Variants in RGS7BP observed in about 807,000 individuals in gnomAD.
RGS7BP encodes the protein regulator of G protein signaling 7 binding protein.
In RGS7BP, 9 loss-of-function variants were observed where a neutral mutation model predicts 31.3. That is an observed-to-expected ratio of 0.29 (90% CI 0.17 to 0.50). The LOEUF is 0.50. RGS7BP is among the 20% of genes least tolerant of loss of function. RGS7BP has a pLI of 0.98. For missense variants in RGS7BP, 274 were observed against 322.0 expected (o/e 0.85, Z 1.14); for synonymous variants, 115 against 120.1 (o/e 0.96, Z 0.28).
chr5:64,600,859 G>A (rs539043128), intron 5 of RGS7BP, among the ~76,000 whole-genome samples: 8 of 152,306 alleles, frequency 5.3e-5, no homozygotes, highest in African/African-American at 1.7e-4. Context: ...GTCTGAACTG[G>A]AGGATCCAGA....
intron 2 of RGS7BP, among the ~76,000 whole-genome samples, chr5:64,549,115 T>C (rs1741728804): frequency 6.6e-6 from 1 of 152,128 alleles, no homozygotes. Context: ...AAATAACACC[T>C]AAATCAGATA....
Position 64,506,350 on chromosome 5 carries a change from C to A in RGS7BP, c.-275C>A. The A allele has an allele frequency of 3.0e-6, 1 of 332,004 alleles. No homozygotes were observed. Among genetic ancestry groups the A allele is most frequent in the Non-Finnish European group, 5.4e-6 (1 of 183,792 alleles). The allele number at this position is 332,004 out of a possible 1,614,324, so 20.6% of individuals were successfully genotyped here. ...GGCAGTGCGAGCCCGCGCCAGCGCCCAGCTCCCGGGACAGGGTCGGCAATG... is the reference window on the plus strand; with the variant it reads ...GGCAGTGCGAGCCCGCGCCAGCGCCAAGCTCCCGGGACAGGGTCGGCAATG... On this transcript the variant is annotated 5_prime_UTR_variant, in exon 1 of 6. Coordinates refer to ENST00000334025, the MANE Select transcript of RGS7BP (RefSeq NM_001029875.3). The surrounding 1 kb of genome is among the most constrained non-coding windows in gnomAD (Gnocchi z 4.6).
rs1316270806 is a variant in RGS7BP, at chr5:64,611,383, C to T, written c.*2131C>T. ...TAAGCCCAATCTTGTTCAGCACGTT[C>T]TTCTAAATGCCTGACCTAAATAACT... On this transcript the variant is annotated 3_prime_UTR_variant, in exon 6 of 6. Coordinates refer to ENST00000334025, the MANE Select transcript of RGS7BP (RefSeq NM_001029875.3). The T allele has an allele frequency of 6.6e-6, 1 of 152,252 alleles. No homozygotes were observed. The highest frequency in any genetic ancestry group is 1.5e-5 in the Non-Finnish European group (1 of 67,870). 9.4% of individuals were successfully genotyped at this position (152,252 alleles called of 1,614,324 possible).
At chr5:64,576,390 G>T (rs1416044135) in intron 3 of RGS7BP, among the ~76,000 whole-genome samples, 1 of 152,160 alleles carries the variant, frequency 6.6e-6, no homozygotes, top group Non-Finnish European at 1.5e-5. Flanking sequence ...TGGCTCAAAG[G>T]ATTGTACCCT....
intron 2 of RGS7BP, among the ~76,000 whole-genome samples, chr5:64,527,398 A>T (rs1355534912): frequency 6.6e-6 from 1 of 152,112 alleles, no homozygotes; most frequent in East Asian, 1.9e-4. Flanking sequence ...GTGATTTGAG[A>T]ATCTGCAGTA....
intron 3 of RGS7BP, among the ~76,000 whole-genome samples, chr5:64,591,615 C>T (rs1463559199): frequency 6.6e-6 from 1 of 152,064 alleles, no homozygotes; most frequent in Non-Finnish European, 1.5e-5. Context: ...TACTTTATCT[C>T]AGTATTCTGC....
chr5:64,529,434 G>A (rs1487959280), intron 2 of RGS7BP, among the ~76,000 whole-genome samples: 1 of 152,194 alleles, frequency 6.6e-6, no homozygotes, highest in Admixed American at 6.5e-5. Context: ...ACAGGAATGG[G>A]AGAAAAGAAA....
At chr5:64,590,178 G>C (rs1360007487) in intron 3 of RGS7BP, among the ~76,000 whole-genome samples, 1 of 151,942 alleles carries the variant, frequency 6.6e-6, no homozygotes, top group African/African-American at 2.4e-5. Context: ...GAAAAACTTA[G>C]TTTGAACATG....
chr5:64,606,112 T>C (rs1321717395), intron 5 of RGS7BP, among the ~76,000 whole-genome samples: 3 of 150,188 alleles, frequency 2.0e-5, no homozygotes, highest in African/African-American at 7.3e-5. Context: ...TATTGAAAGG[T>C]TTTTAGGTTT....
At chr5:64,554,730 C>T (rs1741881368) in intron 2 of RGS7BP, among the ~76,000 whole-genome samples, 1 of 152,058 alleles carries the variant, frequency 6.6e-6, no homozygotes, top group African/African-American at 2.4e-5. Context: ...GGATTTAATC[C>T]TTCAAGTGCT....
chr5:64,599,920 A>G (rs1743175768), intron 5 of RGS7BP, among the ~76,000 whole-genome samples: 2 of 152,218 alleles, frequency 1.3e-5, no homozygotes, highest in South Asian at 4.1e-4. Context: ...AATGTGTCAT[A>G]CACCTACTAC....
chr5:64,516,268 C>T (rs1748972322), intron 2 of RGS7BP, among the ~76,000 whole-genome samples: 2 of 152,178 alleles, frequency 1.3e-5, no homozygotes, highest in Admixed American at 6.5e-5. Context: ...CCAAAGCCCT[C>T]GTATTCTTCA....
At position 64,604,337 on chromosome 5, in the gene RGS7BP, C is replaced by G. The variant is rs551346017; in HGVS notation, c.683-4824C>G. ...CTCCAAATGGGAGGAATCTCCCCCC[C>G]TTCTCCTGCCTGGCATTCTCATAGC... On this transcript the variant is annotated intron_variant, in intron 5 of 5. Coordinates refer to ENST00000334025, the MANE Select transcript of RGS7BP (RefSeq NM_001029875.3). Among the ~76,000 whole-genome samples, 126 of 152,230 alleles carry G rather than the reference C, an allele frequency of 8.3e-4. 1 individual carries two copies. The highest frequency in any genetic ancestry group is 2.1e-3 in the African/African-American group (86 of 41,550).
At chr5:64,556,054 T>C (rs1353712332) in intron 2 of RGS7BP, among the ~76,000 whole-genome samples, 2 of 152,064 alleles carry the variant, frequency 1.3e-5, no homozygotes, top group African/African-American at 2.4e-5. Flanking sequence ...TGTTGATATG[T>C]ACAGCTTCCA....
At position 64,507,591 on chromosome 5, in the gene RGS7BP, G is replaced by A. The variant is rs960802230; in HGVS notation, c.166-120G>A. 40 of 825,418 alleles carry A rather than the reference G, an allele frequency of 4.8e-5. No individual in the cohort carries two copies. The African/African-American group carries it at 5.8e-4, about 12-fold the overall frequency. The allele number at this position is 825,418 out of a possible 1,614,324, so 51.1% of individuals were successfully genotyped here. A position where few individuals can be genotyped will look rare whatever the true frequency, so the allele number is the denominator to read the frequency against. Reference sequence around the variant, plus strand: ...CTTTAAACAATTCCTAGGTTCCTTAGCTGGAGATCTGGGGAGCTGACTCAG... The same window carrying A: ...CTTTAAACAATTCCTAGGTTCCTTAACTGGAGATCTGGGGAGCTGACTCAG... On this transcript the variant is annotated intron_variant, in intron 1 of 5. Coordinates refer to ENST00000334025, the MANE Select transcript of RGS7BP (RefSeq NM_001029875.3).
intron 3 of RGS7BP, among the ~76,000 whole-genome samples, chr5:64,588,403 C>T (rs986037779): frequency 2.0e-5 from 3 of 152,112 alleles, no homozygotes; most frequent in South Asian, 2.1e-4. Context: ...AAATGTTTCC[C>T]TCTTCAGCAA....
intron 3 of RGS7BP, among the ~76,000 whole-genome samples, chr5:64,587,135 G>T (rs1048922389): frequency 1.3e-5 from 2 of 152,092 alleles, no homozygotes; most frequent in African/African-American, 4.8e-5. Flanking sequence ...ACTTTTAGGG[G>T]CCAGTCTGGA....
chr5:64,540,283 A>C (rs1209212049), intron 2 of RGS7BP, among the ~76,000 whole-genome samples: 3 of 152,194 alleles, frequency 2.0e-5, no homozygotes, highest in Non-Finnish European at 4.4e-5. Context: ...GTCTACATAC[A>C]TATTTTAATA....
intron 3 of RGS7BP, among the ~76,000 whole-genome samples, chr5:64,576,505 C>G (rs1044214589): frequency 1.3e-5 from 2 of 152,230 alleles, no homozygotes; most frequent in Non-Finnish European, 2.9e-5. Context: ...AGCTGGCTTC[C>G]CTCACATTAG....
Sources: allele counts gnomAD v4.1 joint callset (sites outside exome capture counted in the v4.1 genomes callset), GRCh38; gene constraint gnomAD v4.1.1; non-coding constraint Gnocchi (gnomAD v3.1); transcripts MANE v1.5; gene names NCBI Gene and HGNC (gene_info 2026-07-23, HGNC 2026-07-21).